Variants in FASN observed in about 807,000 individuals in gnomAD.
FASN encodes fatty acid synthase, also known as 3-hydroxyacyl-[acyl-carrier-protein] dehydratase.
Under a neutral mutation model 250.0 loss-of-function variants are expected in FASN, and 50 were observed. That is an observed-to-expected ratio of 0.20 (90% confidence interval 0.16 to 0.25). The LOEUF (loss-of-function observed/expected upper bound fraction) is 0.25. Among genes scored for constraint, FASN ranks in the 10% least tolerant of loss-of-function variants. The pLI is 1.00. For synonymous variants in FASN, 1,909 were observed against 1,584.0 expected, an observed-to-expected ratio of 1.21 and a Z score of -4.87; for missense variants, 3,031 against 3,498.5, an observed-to-expected ratio of 0.87 and a Z score of 3.37.
In FASN at chr17:82,085,569, G is replaced by A; in HGVS notation, c.4035C>T (p.His1345=). The A allele has an allele frequency of 6.3e-6, 10 of 1,596,660 alleles. No individual in the cohort carries two copies. Among genetic ancestry groups the A allele is most frequent in the Non-Finnish European group, 8.5e-6 (10 of 1,172,414 alleles). The part of the protein sequence containing the change: ...ALREGGFLLL[H]TLLRGHPLGD... ...CGAGGGGGTGCCCCCGGAGCAGTGT[G>A]TGCAGGAGCAGAAAGCCCCCTTCTC... is the stretch of plus-strand genomic sequence containing the variant. The change falls in exon 23 of 43, where the codon CAC becomes CAT. Residue 1345 remains histidine (H), a synonymous_variant. Coordinates refer to ENST00000306749, the MANE Select transcript of FASN (RefSeq NM_004104.5).
chr17:82,095,032 G>A lies in FASN; in HGVS notation c.280+288C>T, dbSNP rs984354042. ...TCAAGAACCTCCTGCTTTGCCTCTC[G>A]TCACTCCAGCCCCGGCCCCGGCCCC... On this transcript the variant is annotated intron_variant, in intron 3 of 42. Transcript: ENST00000306749. Among the ~76,000 whole-genome samples the A allele has an allele frequency of 3.9e-5, 6 of 152,202 alleles. No homozygotes were observed. In the South Asian group the frequency reaches 6.2e-4, roughly 16 times the overall value.
intron 1 of FASN, 83 bp downstream of exon 1, chr17:82,098,038 A>C: frequency 6.4e-6 from 2 of 310,830 alleles, no homozygotes; most frequent in Non-Finnish European, 5.9e-6. Flanking sequence ...AGAGCGGAGG[A>C]TGAGGAGCCG....
chr17:82,091,017 G>C lies in FASN; in HGVS notation c.1545C>G (p.Arg515=). ...GMGLSLMRLD[R]FRDSILRSDE... ...CGGAGCGTAGGATGGAATCTCGGAA[G>C]CGGTCCAGGCGCATGAGGCTCAGCC... Residue 515 remains arginine, a synonymous_variant, in exon 10 of 43, where the codon CGC becomes CGG. Coordinates refer to ENST00000306749, the MANE Select transcript of FASN (RefSeq NM_004104.5). The C allele has an allele frequency of 6.2e-7, 1 of 1,612,806 alleles. No individual in the cohort carries two copies. The highest frequency in any genetic ancestry group is 8.5e-7 in the Non-Finnish European group (1 of 1,179,990).
rs1405007515 is a variant in FASN, at chr17:82,079,019, G to A, written c.*124C>T. The A allele has an allele frequency of 5.2e-6, 6 of 1,143,254 alleles. No individual in the cohort carries two copies. The highest frequency in any genetic ancestry group is 5.2e-5 in the East Asian group (2 of 38,782). 70.8% of individuals were successfully genotyped at this position (1,143,254 alleles called of 1,614,324 possible). A position where few individuals can be genotyped will look rare whatever the true frequency, so the allele number is the denominator to read the frequency against. ...CACCTACATCTAGCAGCCTCGGGGG[G>A]CAGTGGCACTGGGCCGGACAGGGTC... On this transcript the variant is annotated 3_prime_UTR_variant, in exon 43 of 43. Coordinates refer to ENST00000306749, the MANE Select transcript of FASN (RefSeq NM_004104.5).
At chr17:82,090,609 C>T (rs1175970676) in intron 10 of FASN, 45 bp from the exon 11 acceptor site, 1 of 1,565,070 alleles carries the variant, frequency 6.4e-7, no homozygotes, top group Non-Finnish European at 8.7e-7. Flanking sequence ...CCAGCAGGTG[C>T]AGCTGTTGGG....
intron 12 of FASN, 36 bp downstream of exon 12, chr17:82,089,596 G>A (rs768842171): frequency 1.3e-6 from 2 of 1,565,130 alleles, no homozygotes; most frequent in African/African-American, 1.4e-5. Flanking sequence ...GGCAGGCGCA[G>A]GGGACAGAGG....
At chr17:82,085,181 G>A (rs2034069764) in intron 24 of FASN, 25 bp from the exon 25 acceptor site, 1 of 1,612,412 alleles carries the variant, frequency 6.2e-7, no homozygotes, top group Non-Finnish European at 8.5e-7. Context: ...GGAGGGTCAG[G>A]CCACACTCGG....
chr17:82,083,162 G>A (rs760160037), intron 32 of FASN, 40 bp downstream of exon 32: 3 of 1,611,046 alleles, frequency 1.9e-6, no homozygotes, highest in Non-Finnish European at 2.5e-6. Context: ...CTGGGGACCA[G>A]AGCCTGGGGT....
At position 82,081,672 on chromosome 17, in the gene FASN, G is replaced by A. The variant is rs756162629; in HGVS notation, c.6335C>T (p.Ala2112Val). The change falls in exon 37 of 43, where the codon GCT becomes GTT. Residue 2112 changes from alanine to valine, a missense_variant. Physicochemically the swap from Ala to Val is moderately conservative, Grantham distance 64. Coordinates refer to ENST00000306749, the MANE Select transcript of FASN (RefSeq NM_004104.5). The part of the protein sequence containing the change: ...PHMVLSSFVL[A>V]EKAAAYRDRD... ...GTCCCTATAGGCCGCAGCCTTCTCAGCCAGCACAAAGCTGCTCAGGACCAT... is the reference window on the plus strand; with the variant it reads ...GTCCCTATAGGCCGCAGCCTTCTCAACCAGCACAAAGCTGCTCAGGACCAT... 6 of 1,612,776 alleles carry A rather than the reference G, an allele frequency of 3.7e-6. No homozygotes were observed. The highest frequency in any genetic ancestry group is 3.3e-5 in the South Asian group (3 of 91,090).
At chr17:82,087,904 T>G in intron 18 of FASN, 43 bp from the exon 19 acceptor site, 1 of 1,612,214 alleles carries the variant, frequency 6.2e-7, no homozygotes, top group South Asian at 1.1e-5. Context: ...ACGGGCGGCA[T>G]GGCCAGCGGG....
In FASN at chr17:82,080,514, G is replaced by T; in HGVS notation, c.6903C>A (p.Pro2301=). Residue 2301 remains proline (P), a synonymous_variant, in exon 40 of 43, where the codon CCC becomes CCA. Transcript: ENST00000306749. ...DCIRQVQPEG[P]YRVAGYSYGA... is the part of the protein sequence containing the mutation. ...CGTAGGAGTAGCCGGCCACGCGGTAGGGGCCCTCGGGCTGCACCTGCCTGA... is the reference window on the plus strand; with the variant it reads ...CGTAGGAGTAGCCGGCCACGCGGTATGGGCCCTCGGGCTGCACCTGCCTGA... The T allele has an allele frequency of 1.3e-6, 2 of 1,562,476 alleles. No homozygotes were observed. Among genetic ancestry groups the T allele is most frequent in the South Asian group, 2.3e-5 (2 of 85,392 alleles).
In FASN at chr17:82,084,092, C is replaced by G; in HGVS notation, c.4981G>C (p.Val1661Leu). 1 of 1,565,322 alleles carries G rather than the reference C, an allele frequency of 6.4e-7. No homozygotes were observed. Among genetic ancestry groups the G allele is most frequent in the Non-Finnish European group, 8.6e-7 (1 of 1,156,524 alleles). Residue 1661 changes from valine (V) to leucine (L), a missense_variant, in exon 29 of 43, where the codon GTG becomes CTG. Physicochemically the swap from Val to Leu is conservative, Grantham distance 32. Transcript: ENST00000306749. ...TCCCCGGGGCGCACCCGCCCACGCA[C>G]CACCAGCGCGTAGTAGGCCGTGCTG... is the stretch of plus-strand genomic sequence containing the variant. ...VYSTAYYALV[V>L]RGRVRPGETL...
Position 82,083,585 on chromosome 17 carries a change from C to T in FASN, c.5273G>A (p.Arg1758Lys). The T allele has an allele frequency of 6.2e-7, 1 of 1,612,578 alleles. No individual in the cohort carries two copies. The highest frequency in any genetic ancestry group is 1.1e-5 in the South Asian group (1 of 91,038). Residue 1758 changes from arginine to lysine, a missense_variant, in exon 31 of 43, where the codon AGG becomes AAG. Physicochemically the swap from Arg to Lys is conservative, Grantham distance 26. Coordinates refer to ENST00000306749, the MANE Select transcript of FASN (RefSeq NM_004104.5). ...GAAGCGACCGTGCGTAGCCAAGCACCTCACGCTGGCCTGCAGCTTCTCTTC... is the reference window on the plus strand; with the variant it reads ...GAAGCGACCGTGCGTAGCCAAGCACTTCACGCTGGCCTGCAGCTTCTCTTC... ...LAEEKLQASV[R>K]CLATHGRFLE...
At chr17:82,080,982 A>G in intron 38 of FASN, 60 bp from the exon 39 acceptor site, 1 of 1,494,800 alleles carries the variant, frequency 6.7e-7, no homozygotes, top group South Asian at 1.2e-5. Flanking sequence ...CACCCACGCA[A>G]GGACACACAG....
In FASN at chr17:82,083,359, C is replaced by T. The variant is rs746539388; in HGVS notation, c.5408G>A (p.Ser1803Asn). The T allele has an allele frequency of 3.1e-6, 5 of 1,612,784 alleles. No individual in the cohort carries two copies. The highest frequency in any genetic ancestry group is 3.3e-5 in the Admixed American group (2 of 60,008). Reference sequence around the variant, plus strand: ...CCACACCTCCCGCCAGTCAGCACTGCTCTCGTTGAAGAACGCATCCAGTAG... The same window carrying T: ...CCACACCTCCCGCCAGTCAGCACTGTTCTCGTTGAAGAACGCATCCAGTAG... ...GVLLDAFFNE[S>N]SADWREVWAL... is the part of the protein sequence containing the mutation. The change falls in exon 32 of 43, where the codon AGC becomes AAC. Residue 1803 changes from serine to asparagine, a missense_variant. Physicochemically the swap from Ser to Asn is conservative, Grantham distance 46. Coordinates refer to ENST00000306749, the MANE Select transcript of FASN (RefSeq NM_004104.5).
In FASN at chr17:82,093,538, T is replaced by G. The variant is rs112911787; in HGVS notation, c.454+60A>C. The G allele has an allele frequency of 3.0e-3, 4,895 of 1,609,474 alleles. 128 individuals carry two copies. In the African/African-American group the frequency reaches 0.056, roughly 18 times the overall value. On this transcript the variant is annotated intron_variant, in intron 4 of 42. Transcript: ENST00000306749. ...GAGTGAGCCCACGCCACGTGGTTTC[T>G]GCTCAGCATGTGGGGACCTGAAGGC...
intron 39 of FASN, 35 bp downstream of exon 39, chr17:82,080,657 C>T: frequency 7.1e-6 from 11 of 1,556,886 alleles, no homozygotes; most frequent in Non-Finnish European, 9.6e-6. Flanking sequence ...ATGGCCAGCA[C>T]TGACCACCGC....
chr17:82,084,800 C>A lies in FASN; in HGVS notation c.4563G>T (p.Glu1521Asp). Residue 1521 changes from glutamate to aspartate, a missense_variant and splice_region_variant, in exon 26 of 43, where the codon GAG becomes GAT. Glu to Asp is a conservative substitution (Grantham distance 45, BLOSUM62 2). Coordinates refer to ENST00000306749, the MANE Select transcript of FASN (RefSeq NM_004104.5). Reference protein sequence around the residue: ...WGAFRHFLLEEDKPEEPTAHA... With the variant: ...WGAFRHFLLEDDKPEEPTAHA... ...GGCAGGGCAGTGTCGGGGGCTCACC[C>A]TCCTCCAGCAGGAAGTGGCGGAAAG... 6.5e-7 allele frequency: 1 copy of A among 1,550,236 alleles called. No homozygotes were observed. The highest frequency in any genetic ancestry group is 2.4e-5 in the East Asian group (1 of 40,916).
At position 82,088,393 on chromosome 17, in the gene FASN, T is replaced by C. The variant is rs950933290; in HGVS notation, c.2590A>G (p.Ile864Val). 2.5e-6 allele frequency: 4 copies of C among 1,611,870 alleles called. No homozygotes were observed. Among genetic ancestry groups the C allele is most frequent in the Non-Finnish European group, 2.5e-6 (3 of 1,179,638 alleles). Reference sequence around the variant, plus strand: ...CACCCGCCGGGCCCCTGCTCACCGATGTTGTAGATGGCGGCTGAGGGGGAA... The same window carrying C: ...CACCCGCCGGGCCCCTGCTCACCGACGTTGTAGATGGCGGCTGAGGGGGAA... ...SGSPSAAIYN[I>V]DTSSESPDHY... The change falls in exon 16 of 43, where the codon ATC becomes GTC. Residue 864 changes from isoleucine (I) to valine (V), a missense_variant. Transcript: ENST00000306749.
Sources: allele counts gnomAD v4.1 joint callset (sites outside exome capture counted in the v4.1 genomes callset), GRCh38; gene constraint gnomAD v4.1.1; transcripts MANE v1.5; gene names NCBI Gene and HGNC (gene_info 2026-07-23, HGNC 2026-07-21).